Variants in THSD7A observed in about 807,000 individuals in gnomAD.
The protein encoded by THSD7A is thrombospondin type 1 domain containing 7A.
In THSD7A, 96 loss-of-function variants were observed where a neutral mutation model predicts 231.3. The ratio of observed to expected loss-of-function variants is 0.41; its 90% CI spans 0.35 to 0.49. The LOEUF (loss-of-function observed/expected upper bound fraction) is 0.49, where lower values mean the gene tolerates loss of function less well. Ranked by LOEUF, THSD7A falls within the 20% of genes least tolerant of loss-of-function variation. The pLI is 0.05. For synonymous variants in THSD7A, 940 were observed against 743.3 expected (o/e 1.26, Z -4.30); for missense variants, 2,290 against 2,070.2 (o/e 1.11, Z -2.06).
chr7:11,510,512 G>GAA (rs1390201688), intron 6 of THSD7A, among the ~76,000 whole-genome samples: 1 of 152,074 alleles, frequency 6.6e-6, no homozygotes, highest in African/African-American at 2.4e-5. Flanking sequence ...GAACATCGAT[G>GAA]AAAAAATCCT....
chr7:11,813,984 A>G (rs7798199), intron 1 of THSD7A, among the ~76,000 whole-genome samples: 55,906 of 152,080 alleles, frequency 0.37, 11,242 homozygotes, highest in Middle Eastern at 0.53. Context: ...GTGGAATTCT[A>G]ATACATGTAA....
chr7:11,403,440 A>G (rs1374565499), intron 22 of THSD7A, among the ~76,000 whole-genome samples: 2 of 152,224 alleles, frequency 1.3e-5, no homozygotes, highest in East Asian at 3.8e-4. Flanking sequence ...AAAAGAAACT[A>G]GAAAGAATTT....
chr7:11,573,001 T>A (rs1423760994), intron 4 of THSD7A, among the ~76,000 whole-genome samples: 1 of 152,200 alleles, frequency 6.6e-6, no homozygotes, highest in East Asian at 1.9e-4. Context: ...AACAGTTTAA[T>A]TATTGGCAGA....
chr7:11,830,369 A>G (rs1469297196), intron 1 of THSD7A, among the ~76,000 whole-genome samples: 4 of 152,238 alleles, frequency 2.6e-5, no homozygotes, highest in African/African-American at 7.2e-5. Context: ...GATACCATTT[A>G]ATGGTAAATT....
In THSD7A at chr7:11,474,228, G is replaced by C. The variant is rs1170280822; in HGVS notation, c.2252+106C>G. The C allele has an allele frequency of 1.5e-5, 14 of 945,172 alleles. No homozygotes were observed. In the African/African-American group the frequency reaches 2.3e-4, roughly 16 times the overall value. The allele number at this position is 945,172 out of a possible 1,614,324, so 58.5% of individuals were successfully genotyped here. A position where few individuals can be genotyped will look rare whatever the true frequency, so the allele number is the denominator to read the frequency against. On this transcript the variant is annotated intron_variant, in intron 8 of 27. Coordinates refer to ENST00000423059, the MANE Select transcript of THSD7A (RefSeq NM_015204.3). The surrounding 1 kb of genome is among the most constrained non-coding windows in gnomAD (Gnocchi z 4.1). ...AAACAAATCTTGCTCTTGAGGACAG[G>C]TATGACAAGCATCAAAATGTTCCAT...
At chr7:11,407,985 T>C (rs2115373797) in intron 19 of THSD7A, among the ~76,000 whole-genome samples, 1 of 152,302 alleles carries the variant, frequency 6.6e-6, no homozygotes, top group African/African-American at 2.4e-5. Flanking sequence ...TTATGAATAT[T>C]TTATGTGCAT....
At chr7:11,744,453 T>G (rs1354758577) in intron 1 of THSD7A, among the ~76,000 whole-genome samples, 1 of 152,034 alleles carries the variant, frequency 6.6e-6, no homozygotes, top group African/African-American at 2.4e-5. Context: ...TTTTTATTTT[T>G]TATTATACGT....
intron 1 of THSD7A, among the ~76,000 whole-genome samples, chr7:11,703,230 A>G (rs1489751765): frequency 6.6e-6 from 1 of 151,234 alleles, no homozygotes; most frequent in Non-Finnish European, 1.5e-5. Context: ...AGGCTAGAAA[A>G]TATTTTTTTT....
At chr7:11,620,387 A>G (rs1781264277) in intron 2 of THSD7A, among the ~76,000 whole-genome samples, 1 of 152,200 alleles carries the variant, frequency 6.6e-6, no homozygotes, top group Non-Finnish European at 1.5e-5. Flanking sequence ...AGTATCATTC[A>G]TTTTTCACTA....
chr7:11,785,813 C>T (rs1411976023), intron 1 of THSD7A, among the ~76,000 whole-genome samples: 1 of 152,102 alleles, frequency 6.6e-6, no homozygotes, highest in Non-Finnish European at 1.5e-5. Context: ...CATGCTGTTG[C>T]TATCAGTTTG....
At chr7:11,545,008 C>T (rs1206013729) in intron 4 of THSD7A, among the ~76,000 whole-genome samples, 1 of 152,030 alleles carries the variant, frequency 6.6e-6, no homozygotes, top group Non-Finnish European at 1.5e-5. Context: ...ACACTAATGA[C>T]ATAAAATATA....
intron 7 of THSD7A, among the ~76,000 whole-genome samples, chr7:11,480,787 T>C (rs1282047001): frequency 1.3e-5 from 2 of 152,024 alleles, no homozygotes; most frequent in Non-Finnish European, 1.5e-5. Context: ...TATGTTTCTA[T>C]CACTAAAATA....
intron 1 of THSD7A, among the ~76,000 whole-genome samples, chr7:11,781,021 AAAAAAAAAAAAAAAAAAT>A (rs1229492067): frequency 7.0e-6 from 1 of 143,526 alleles, no homozygotes; most frequent in African/African-American, 2.6e-5. Context: ...AAAAAAAAAA[AAAAAAAAAAAAAAAAAAT>A]TTATAGGGAG....
chr7:11,382,583 C>T lies in THSD7A; in HGVS notation c.4445G>A (p.Ser1482Asn), dbSNP rs780100267. The change falls in exon 24 of 28, where the codon AGT (serine) becomes AAT (asparagine). Residue 1482 changes from serine to asparagine, a missense_variant. Coordinates refer to ENST00000423059, the MANE Select transcript of THSD7A (RefSeq NM_015204.3). Reference sequence around the variant, plus strand: ...TGTTCGGGAAGAGCCCTTCCAAGCACTGGCCATCCATTTATATTCATAGCA... The same window carrying T: ...TGTTCGGGAAGAGCCCTTCCAAGCATTGGCCATCCATTTATATTCATAGCA... ...GQCYEYKWMA[S>N]AWKGSSRTVW... 5.6e-6 allele frequency: 9 copies of T among 1,612,778 alleles called. No individual in the cohort carries two copies. Among genetic ancestry groups the T allele is most frequent in the African/African-American group, 4.0e-5 (3 of 74,874 alleles).
rs746938293 is a variant in THSD7A at position 11,481,881 on chromosome 7, T to G, written c.1924A>C (p.Thr642Pro). 1.5e-4 allele frequency: 236 copies of G among 1,613,684 alleles called. No homozygotes were observed. The highest frequency in any genetic ancestry group is 1.9e-4 in the Non-Finnish European group (228 of 1,179,768). ...PKDCVLSTWS[T>P]WSSCSHTCSG... ...CAGGTGTGTGAGCAGGAGGACCACG[T>G]AGACCATGTGCTGAGCACACAGTCT... is the stretch of plus-strand genomic sequence containing the variant. The change falls in exon 7 of 28, where the codon ACG (threonine) becomes CCG (proline). Residue 642 changes from threonine to proline, a missense_variant. By Grantham distance (38) the Thr-to-Pro change is conservative. Transcript: ENST00000423059.
chr7:11,697,877 C>A (rs773729012), intron 1 of THSD7A, among the ~76,000 whole-genome samples: 2 of 151,334 alleles, frequency 1.3e-5, no homozygotes, highest in Non-Finnish European at 3.0e-5. Flanking sequence ...AAAACAATAC[C>A]AATTAAATAC....
At chr7:11,550,472 T>A (rs75938896) in intron 4 of THSD7A, among the ~76,000 whole-genome samples, 1 of 152,112 alleles carries the variant, frequency 6.6e-6, no homozygotes, top group Non-Finnish European at 1.5e-5. Flanking sequence ...GAGTGGATCA[T>A]GGGGGCACTT....
intron 16 of THSD7A, among the ~76,000 whole-genome samples, chr7:11,420,753 C>T (rs949782244): frequency 6.6e-6 from 1 of 152,202 alleles, no homozygotes; most frequent in African/African-American, 2.4e-5. Context: ...AATGCCAGCT[C>T]ATGAAAGCAG....
intron 1 of THSD7A, among the ~76,000 whole-genome samples, chr7:11,787,556 A>G (rs578041243): frequency 1.3e-5 from 2 of 152,208 alleles, no homozygotes; most frequent in South Asian, 4.1e-4. Context: ...TTAAAGCTCA[A>G]CAATAAGAAA....
Sources: allele counts gnomAD v4.1 joint callset (sites outside exome capture counted in the v4.1 genomes callset), GRCh38; gene constraint gnomAD v4.1.1; non-coding constraint Gnocchi (gnomAD v3.1); transcripts MANE v1.5; gene names NCBI Gene and HGNC (gene_info 2026-07-23, HGNC 2026-07-21).